Variants in SRPK3 observed in about 807,000 individuals in gnomAD.
The protein encoded by SRPK3 is SFRS protein kinase 3.
In SRPK3, 26 loss-of-function variants were observed where a neutral mutation model predicts 45.3. That is an observed-to-expected ratio of 0.57 (90% CI 0.42 to 0.80). The LOEUF is 0.80. SRPK3 is among the 30% of genes least tolerant of loss of function. The pLI, the probability that SRPK3 is intolerant of heterozygous loss-of-function variation, is 0.00. For missense variants in SRPK3, 536 were observed against 514.5 expected (o/e 1.04, Z -0.40); for synonymous variants, 254 against 226.6 (o/e 1.12, Z -1.09).
At position 153,783,830 on chromosome X, in the gene SRPK3, C is replaced by T; in HGVS notation, c.853C>T (p.Arg285Trp). The part of the protein sequence containing the change: ...RKQQKRLLEE[R>W]LRDLQRLEAM... ...ACAGCAGAAGCGGCTGCTGGAGGAG[C>T]GGCTGCGGGACCTGCAGAGGCTGGA... The change falls in exon 9 of 15, where the codon CGG becomes TGG. Residue 285 changes from arginine (R) to tryptophan (W), a missense_variant. By Grantham distance (101) the Arg-to-Trp change is moderately radical (BLOSUM62 -3). Coordinates refer to ENST00000370101, the MANE Select transcript of SRPK3 (RefSeq NM_014370.4). 6 of 1,200,598 alleles carry T rather than the reference C, an allele frequency of 5.0e-6. No individual in the cohort carries two copies. Among genetic ancestry groups the T allele is most frequent in the Non-Finnish European group, 6.7e-6 (6 of 890,381 alleles).
rs1456840564 is a variant in SRPK3, at chrX:153,783,098, C to T, written c.728C>T (p.Pro243Leu). 30 of 1,163,652 alleles carry T rather than the reference C, an allele frequency of 2.6e-5. No individual in the cohort carries two copies. The highest frequency in any genetic ancestry group is 5.2e-5 in the Admixed American group (2 of 38,564). Residue 243 changes from proline to leucine, a missense_variant, in exon 7 of 15, where the codon CCG becomes CTG. By Grantham distance (98) the Pro-to-Leu change is moderately conservative (BLOSUM62 -3). Transcript: ENST00000370101. ...ACGGAGTGGCAACAGGCAGGGGCGCCGCCCCCCTCCCGCTCCATAGGTACC... is the reference window on the plus strand; with the variant it reads ...ACGGAGTGGCAACAGGCAGGGGCGCTGCCCCCCTCCCGCTCCATAGGTACC... ...EATEWQQAGA[P>L]PPSRSIVSTA...
In SRPK3 at chrX:153,784,946, G is replaced by A; in HGVS notation, c.1369G>A (p.Ala457Thr). 1 of 1,210,498 alleles carries A rather than the reference G, an allele frequency of 8.3e-7. No individual in the cohort carries two copies. The highest frequency in any genetic ancestry group is 1.8e-5 in the South Asian group (1 of 56,903). Residue 457 changes from alanine (A) to threonine (T), a missense_variant, in exon 13 of 15, where the codon GCC becomes ACC. Physicochemically the swap from Ala to Thr is moderately conservative, Grantham distance 58 (BLOSUM62 0). Transcript: ENST00000370101. ...CTCCCCCTTCCAGGCCTTCGAGCTG[G>A]CCACTGGTGACTACCTGTTCGAGCC... Reference protein sequence around the residue: ...WSTACMAFELATGDYLFEPHS... With the variant: ...WSTACMAFELTTGDYLFEPHS...
At position 153,784,128 on chromosome X, in the gene SRPK3, C is replaced by A. The variant is rs55688748; in HGVS notation, c.1062C>A (p.Ser354=). The change falls in exon 10 of 15, where the codon TCC becomes TCA. Residue 354 remains serine, a synonymous_variant. Coordinates refer to ENST00000370101, the MANE Select transcript of SRPK3 (RefSeq NM_014370.4). ...CGGGCTCACAGACCTCAGGCTTCTC[C>A]GGCTCCCTCTTCTCTCCTGCCTCCT... ...LSAGSQTSGF[S]GSLFSPASCS... is the part of the protein sequence containing the mutation. 4 of 1,210,836 alleles carry A rather than the reference C, an allele frequency of 3.3e-6. No homozygotes were observed. The highest frequency in any genetic ancestry group is 2.2e-5 in the Admixed American group (1 of 46,136).
Position 153,782,836 on chromosome X carries a change from C to T in SRPK3, c.540C>T (p.Tyr180=), listed in dbSNP as rs1557067355. The T allele has an allele frequency of 1.7e-6, 2 of 1,211,013 alleles. No individual in the cohort carries two copies. The highest frequency in any genetic ancestry group is 2.2e-6 in the Non-Finnish European group (2 of 895,306). ...TCAAATGGATCATCAAGTCCAACTA[C>T]CAGGGCCTGCCCGTGCCCTGCGTGA... ...QLLKWIIKSN[Y]QGLPVPCVKS... The change falls in exon 6 of 15, where the codon TAC becomes TAT. Residue 180 remains tyrosine (Y), a synonymous_variant. Transcript: ENST00000370101.
At position 153,781,627 on chromosome X, in the gene SRPK3, T is replaced by C. The variant is rs1557066905; in HGVS notation, c.299+14T>C. ...CTGGGACATCCAGTGAGTGCCTCCT[T>C]CGCCTCCGGGGCCCAGCACTGGCTG... On this transcript the variant is annotated intron_variant, in intron 3 of 14. Transcript: ENST00000370101. The C allele has an allele frequency of 8.3e-7, 1 of 1,206,162 alleles. No individual in the cohort carries two copies. Among genetic ancestry groups the C allele is most frequent in the Non-Finnish European group, 1.1e-6 (1 of 892,069 alleles).
At position 153,781,275 on chromosome X, in the gene SRPK3, T is replaced by C. The variant is rs376029832; in HGVS notation, c.119T>C (p.Val40Ala). The C allele has an allele frequency of 1.2e-5, 14 of 1,208,380 alleles. No homozygotes were observed. The highest frequency in any genetic ancestry group is 1.8e-5 in the South Asian group (1 of 56,662). Reference sequence around the variant, plus strand: ...TCCGAACTAGCCCTGGCCACACCGGTGCCTCAGATGCTGCAGGGCCTTCTG... The same window carrying C: ...TCCGAACTAGCCCTGGCCACACCGGCGCCTCAGATGCTGCAGGGCCTTCTG... ...SGSELALATP[V>A]PQMLQGLLGS... Residue 40 changes from valine (V) to alanine (A), a missense_variant, in exon 2 of 15, where the codon GTG becomes GCG. Val to Ala is a moderately conservative substitution (Grantham distance 64). Transcript: ENST00000370101.
Position 153,784,086 on chromosome X carries a change from C to T in SRPK3, c.1020C>T (p.Gly340=), listed in dbSNP as rs192544186. The T allele has an allele frequency of 5.0e-5, 60 of 1,209,257 alleles. 1 individual carries two copies. The highest frequency in any genetic ancestry group is 4.6e-4 in the Middle Eastern group (2 of 4,353). The change falls in exon 10 of 15, where the codon GGC becomes GGT. Residue 340 remains glycine (G), a synonymous_variant. Transcript: ENST00000370101. ...SPASSSPAPG[G]GRSLSAGSQT... is the part of the protein sequence containing the mutation. ...CCTCTTCCTCCCCCGCCCCAGGGGG[C>T]GGCCGTAGCCTCAGCGCGGGCTCAC... is the stretch of plus-strand genomic sequence containing the variant.
intron 5 of SRPK3, 125 bp downstream of exon 5, chrX:153,782,333 C>T (rs781994166): frequency 1.6e-5 from 9 of 570,069 alleles, no homozygotes; most frequent in Non-Finnish European, 2.3e-5. Context: ...TAACGGGAGC[C>T]TCTGGCACGA....
intron 8 of SRPK3, among the ~76,000 whole-genome samples, chrX:153,783,534 C>T (rs1203517187): frequency 8.9e-6 from 1 of 112,867 alleles, no homozygotes. Context: ...GCCAGGTCTT[C>T]CCACTCCTAA....
In SRPK3 at chrX:153,781,260, C is replaced by T; in HGVS notation, c.104C>T (p.Ala35Val). Reference sequence around the variant, plus strand: ...CCCGAGTCCTCGGGCTCCGAACTAGCCCTGGCCACACCGGTGCCTCAGATG... The same window carrying T: ...CCCGAGTCCTCGGGCTCCGAACTAGTCCTGGCCACACCGGTGCCTCAGATG... ...CGPESSGSEL[A>V]LATPVPQMLQ... The change falls in exon 2 of 15, where the codon GCC becomes GTC. Residue 35 changes from alanine to valine, a missense_variant. By Grantham distance (64) the Ala-to-Val change is moderately conservative. Transcript: ENST00000370101. 8.3e-7 allele frequency: 1 copy of T among 1,209,828 alleles called. No homozygotes were observed. Among genetic ancestry groups the T allele is most frequent in the Non-Finnish European group, 1.1e-6 (1 of 894,829 alleles).
Position 153,783,078 on chromosome X carries a change from G to C in SRPK3, c.708G>C (p.Glu236Asp), listed in dbSNP as rs782084667. The change falls in exon 7 of 15, where the codon GAG (glutamate) becomes GAC (aspartate). Residue 236 changes from glutamate to aspartate, a missense_variant. Glu to Asp is a conservative substitution (Grantham distance 45, BLOSUM62 2). Coordinates refer to ENST00000370101, the MANE Select transcript of SRPK3 (RefSeq NM_014370.4). ...YIRRLAAEAT[E>D]WQQAGAPPPS... Reference sequence around the variant, plus strand: ...GGCGCCTGGCTGCCGAGGCCACGGAGTGGCAACAGGCAGGGGCGCCGCCCC... The same window carrying C: ...GGCGCCTGGCTGCCGAGGCCACGGACTGGCAACAGGCAGGGGCGCCGCCCC... 1 of 1,168,693 alleles carries C rather than the reference G, an allele frequency of 8.6e-7. No individual in the cohort carries two copies. Among genetic ancestry groups the C allele is most frequent in the Non-Finnish European group, 1.1e-6 (1 of 874,916 alleles).
At chrX:153,781,648 G>A (rs781855449) in intron 3 of SRPK3, 35 bp downstream of exon 3, 1 of 1,199,871 alleles carries the variant, frequency 8.3e-7, no homozygotes, top group African/African-American at 1.7e-5. Context: ...GCCCAGCACT[G>A]GCTGGGATCC....
chrX:153,781,161 G>A lies in SRPK3; in HGVS notation c.59+16G>A. On this transcript the variant is annotated intron_variant, in intron 1 of 14. Coordinates refer to ENST00000370101, the MANE Select transcript of SRPK3 (RefSeq NM_014370.4). ...GTAGCAGCAGGTAGGGCTCGGCTGG[G>A]GCACCCGGAGCCCCTGGCGTCTCTC... is the stretch of plus-strand genomic sequence containing the variant. 8.5e-7 allele frequency: 1 copy of A among 1,173,758 alleles called. No homozygotes were observed. Among genetic ancestry groups the A allele is most frequent in the South Asian group, 1.9e-5 (1 of 53,079 alleles).
chrX:153,785,037 G>C (rs201695377), intron 13 of SRPK3, 34 bp downstream of exon 13: 1,091 of 1,210,198 alleles, frequency 9.0e-4, no homozygotes, highest in Non-Finnish European at 1.1e-3. Context: ...CAGCCTCCCG[G>C]CCTCCCGGCC....
Position 153,782,794 on chromosome X carries a change from G to A in SRPK3, c.498G>A (p.Val166=), listed in dbSNP as rs2092059451. ...CAGATGTGTGCATGGTGCTGGAGGT[G>A]CTGGGCCACCAGCTCCTCAAATGGA... ...NGVHVCMVLE[V]LGHQLLKWII... Residue 166 remains valine, a synonymous_variant, in exon 6 of 15, where the codon GTG becomes GTA. Coordinates refer to ENST00000370101, the MANE Select transcript of SRPK3 (RefSeq NM_014370.4). The A allele has an allele frequency of 8.3e-7, 1 of 1,209,331 alleles. No homozygotes were observed. The highest frequency in any genetic ancestry group is 1.7e-5 in the African/African-American group (1 of 57,589).
chrX:153,783,843 T>C lies in SRPK3; in HGVS notation c.866T>C (p.Leu289Pro). 8.4e-7 allele frequency: 1 copy of C among 1,197,165 alleles called. No homozygotes were observed. Among genetic ancestry groups the C allele is most frequent in the Non-Finnish European group, 1.1e-6 (1 of 888,726 alleles). ...CTGCTGGAGGAGCGGCTGCGGGACC[T>C]GCAGAGGCTGGAGGCCATGGAGGCT... The part of the protein sequence containing the change: ...KRLLEERLRD[L>P]QRLEAMEAAT... The change falls in exon 9 of 15, where the codon CTG (leucine) becomes CCG (proline). Residue 289 changes from leucine to proline, a missense_variant. Physicochemically the swap from Leu to Pro is moderately conservative, Grantham distance 98. Coordinates refer to ENST00000370101, the MANE Select transcript of SRPK3 (RefSeq NM_014370.4).
chrX:153,782,008 G>A (rs933132907), intron 4 of SRPK3, 113 bp from the exon 5 acceptor site: 3 of 880,218 alleles, frequency 3.4e-6, no homozygotes, highest in Admixed American at 2.4e-5. Flanking sequence ...AGGAGGGGTT[G>A]GCGGCCTTTC....
Position 153,784,940 on chromosome X carries a change from G to C in SRPK3, c.1363G>C (p.Glu455Gln). The C allele has an allele frequency of 8.3e-7, 1 of 1,210,215 alleles. No individual in the cohort carries two copies. Among genetic ancestry groups the C allele is most frequent in the Non-Finnish European group, 1.1e-6 (1 of 895,028 alleles). The change falls in exon 13 of 15, where the codon GAG becomes CAG. Residue 455 changes from glutamate to glutamine, a missense_variant. Coordinates refer to ENST00000370101, the MANE Select transcript of SRPK3 (RefSeq NM_014370.4). The part of the protein sequence containing the change: ...DIWSTACMAF[E>Q]LATGDYLFEP... Reference sequence around the variant, plus strand: ...CACCTCCTCCCCCTTCCAGGCCTTCGAGCTGGCCACTGGTGACTACCTGTT... The same window carrying C: ...CACCTCCTCCCCCTTCCAGGCCTTCCAGCTGGCCACTGGTGACTACCTGTT...
At position 153,783,040 on chromosome X, in the gene SRPK3, G is replaced by A. The variant is rs1472291812; in HGVS notation, c.670G>A (p.Asp224Asn). The stretch of plus-strand genomic sequence containing the variant: ...CGAGAACATCTTGCTGTGTGTGGGG[G>A]ACGCTTACATCAGGCGCCTGGCTGC... Reference protein sequence around the residue: ...KPENILLCVGDAYIRRLAAEA... With the variant: ...KPENILLCVGNAYIRRLAAEA... Residue 224 changes from aspartate (D) to asparagine (N), a missense_variant, in exon 7 of 15, where the codon GAC becomes AAC. Physicochemically the swap from Asp to Asn is conservative, Grantham distance 23. Coordinates refer to ENST00000370101, the MANE Select transcript of SRPK3 (RefSeq NM_014370.4). 22 of 1,181,809 alleles carry A rather than the reference G, an allele frequency of 1.9e-5. No homozygotes were observed. Among genetic ancestry groups the A allele is most frequent in the Non-Finnish European group, 2.2e-5 (19 of 880,347 alleles).
Sources: allele counts gnomAD v4.1 joint callset (sites outside exome capture counted in the v4.1 genomes callset), GRCh38; gene constraint gnomAD v4.1.1; transcripts MANE v1.5; gene names NCBI Gene and HGNC (gene_info 2026-07-23, HGNC 2026-07-21).